Variants in UNKL observed in about 807,000 individuals in gnomAD.
UNKL encodes unk like zinc finger.
UNKL carries 60 observed loss-of-function variants against 78.0 expected under a neutral mutation model. The ratio of observed to expected loss-of-function variants is 0.77; its 90% confidence interval spans 0.63 to 0.95. The LOEUF is 0.95. Ranked by LOEUF, UNKL falls within the 40% of genes least tolerant of loss-of-function variation. The pLI is 0.00. For missense variants in UNKL, 1,159 were observed against 1,045.7 expected, an observed-to-expected ratio of 1.11 and a Z score of -1.49; for synonymous variants, 608 against 474.8, an observed-to-expected ratio of 1.28 and a Z score of -3.65.
chr16:1,371,006 C>A (rs1357550918), intron 11 of UNKL, among the ~76,000 whole-genome samples: 1 of 151,012 alleles, frequency 6.6e-6, no homozygotes, highest in Non-Finnish European at 1.5e-5. Context: ...TGGCGTGAAC[C>A]CGGGAGGTGG....
intron 9 of UNKL, among the ~76,000 whole-genome samples, chr16:1,388,554 CTG>C (rs1356686778): frequency 5.3e-5 from 8 of 152,148 alleles, no homozygotes; most frequent in Admixed American, 5.2e-4. Context: ...GATGCGCACA[CTG>C]TGACTTCAGC....
chr16:1,394,615 C>T (rs1334136513), intron 6 of UNKL: 2 of 425,608 alleles, frequency 4.7e-6, no homozygotes, highest in Non-Finnish European at 9.5e-6. Flanking sequence ...AGGGTGACAG[C>T]CCCTCTCATG....
At chr16:1,382,866 G>C (rs1006916098) in intron 10 of UNKL, among the ~76,000 whole-genome samples, 2 of 152,048 alleles carry the variant, frequency 1.3e-5, no homozygotes, top group African/African-American at 2.4e-5. Flanking sequence ...GCTGAGGCAG[G>C]AGAATCACTT....
intron 8 of UNKL, among the ~76,000 whole-genome samples, chr16:1,391,537 G>A (rs565184358): frequency 2.0e-5 from 3 of 152,088 alleles, no homozygotes; most frequent in East Asian, 3.9e-4. Context: ...GACCTCGAGC[G>A]ATTGTCCCAC....
chr16:1,410,912 T>C (rs1596782027), intron 2 of UNKL, among the ~76,000 whole-genome samples: 1 of 152,302 alleles, frequency 6.6e-6, no homozygotes, highest in East Asian at 1.9e-4. Flanking sequence ...ACTACATTAT[T>C]TCAAGTTTAG....
chr16:1,411,433 G>A (rs888990782), intron 2 of UNKL, among the ~76,000 whole-genome samples: 12 of 152,198 alleles, frequency 7.9e-5, no homozygotes, highest in Admixed American at 5.2e-4. Context: ...TCAGGAGGCT[G>A]AGGCAGGAAG....
At chr16:1,391,195 A>ACAAT (rs1254758810) in intron 8 of UNKL, among the ~76,000 whole-genome samples, 5 of 130,364 alleles carry the variant, frequency 3.8e-5, no homozygotes, top group African/African-American at 1.4e-4. Context: ...ACACACACAC[A>ACAAT]ATATATATGT....
chr16:1,392,277 C>T (rs369530659), intron 8 of UNKL, among the ~76,000 whole-genome samples: 4 of 152,166 alleles, frequency 2.6e-5, no homozygotes, highest in Non-Finnish European at 4.4e-5. Context: ...GCCTCGAAGC[C>T]GGGCGTGAAT....
At chr16:1,370,869 G>A (rs544038853) in intron 11 of UNKL, among the ~76,000 whole-genome samples, 78 of 152,340 alleles carry the variant, frequency 5.1e-4, no homozygotes, top group African/African-American at 1.7e-3. Context: ...AGATCACGGG[G>A]TCAGGAGATG....
At chr16:1,371,447 C>T (rs1262579396) in intron 11 of UNKL, 72 bp downstream of exon 11, 7 of 1,465,644 alleles carry the variant, frequency 4.8e-6, no homozygotes, top group Non-Finnish European at 6.4e-6. Flanking sequence ...CGGGCTCAAG[C>T]GATCCTCCGG....
chr16:1,399,519 G>A lies in UNKL; in HGVS notation c.599-10C>T. ...AGCACGAAGTTGGCATCTGAAAAAT[G>A]GGCCACACGGTGCCTGAGCAGCGCG... is the stretch of plus-strand genomic sequence containing the variant. On this transcript the variant is annotated splice_polypyrimidine_tract_variant and intron_variant, in intron 4 of 14. Coordinates refer to ENST00000389221, the MANE Select transcript of UNKL (RefSeq NM_001372107.1). The surrounding 1 kb of genome is among the most constrained non-coding windows in gnomAD (Gnocchi z 5.8). 1.9e-6 allele frequency: 3 copies of A among 1,589,306 alleles called. No homozygotes were observed. In the Middle Eastern group the frequency reaches 5.1e-4, roughly 270 times the overall value.
intron 10 of UNKL, chr16:1,378,789 A>C (rs2036431959): frequency 6.6e-6 from 1 of 151,896 alleles, no homozygotes; most frequent in South Asian, 2.1e-4. Flanking sequence ...AGCACCGGAG[A>C]GGGTCCTGGA....
intron 2 of UNKL, among the ~76,000 whole-genome samples, chr16:1,407,693 C>CA (rs796468528): frequency 0.021 from 1,712 of 80,488 alleles, 19 homozygotes; most frequent in African/African-American, 0.037. Context: ...GAGGCCCTGT[C>CA]AAAAAAAAAA....
rs545528566 is a variant in UNKL at position 1,366,521 on chromosome 16, G to A, written c.2047-126C>T. On this transcript the variant is annotated intron_variant, in intron 14 of 14. Coordinates refer to ENST00000389221, the MANE Select transcript of UNKL (RefSeq NM_001372107.1). The stretch of plus-strand genomic sequence containing the variant: ...GCCCGGCCACCAGCTACAGAGACAG[G>A]GTCAGGGAGACGCCCCAGCCAGGGC... 34 of 1,271,626 alleles carry A rather than the reference G, an allele frequency of 2.7e-5. No individual in the cohort carries two copies. In the African/African-American group the frequency reaches 4.2e-4, roughly 16 times the overall value. 78.8% of individuals were successfully genotyped at this position (1,271,626 alleles called of 1,614,324 possible).
In UNKL at chr16:1,401,438, C is replaced by G. The variant is rs923238531; in HGVS notation, c.598+130G>C. On this transcript the variant is annotated intron_variant, in intron 4 of 14. Transcript: ENST00000389221. ...GGGGAGGGCTTGGTATTGGACTCCA[C>G]GAGCCTCGGTTTCCCCATCTGATCA... The G allele has an allele frequency of 4.0e-6, 5 of 1,234,878 alleles. No homozygotes were observed. In the African/African-American group the frequency reaches 6.4e-5, roughly 16 times the overall value. The allele number at this position is 1,234,878 out of a possible 1,614,324, so 76.5% of individuals were successfully genotyped here.
intron 2 of UNKL, 117 bp downstream of exon 2, chr16:1,413,729 T>G (rs1287587032): frequency 7.8e-6 from 9 of 1,155,352 alleles, no homozygotes; most frequent in Non-Finnish European, 1.1e-5. Flanking sequence ...TAATTACGAC[T>G]CCCTCTGCAG....
At chr16:1,407,170 A>G (rs2037803692) in intron 2 of UNKL, 1 of 151,826 alleles carries the variant, frequency 6.6e-6, no homozygotes, top group African/African-American at 2.4e-5. Context: ...AGAAAGAAAA[A>G]AAAAAGATCA....
At chr16:1,413,817 G>A (rs980883838) in intron 2 of UNKL, 29 bp downstream of exon 2, 5 of 1,498,508 alleles carry the variant, frequency 3.3e-6, no homozygotes, top group Middle Eastern at 2.3e-4. Context: ...CCTCCGCCCA[G>A]GCAGCGGCGC....
At chr16:1,405,916 G>T (rs1295291743) in intron 2 of UNKL, 2 of 456,292 alleles carry the variant, frequency 4.4e-6, no homozygotes, top group Non-Finnish European at 8.8e-6. Flanking sequence ...CTGAACCCAA[G>T]GAGGGTCCAC....
Sources: allele counts gnomAD v4.1 joint callset (sites outside exome capture counted in the v4.1 genomes callset), GRCh38; gene constraint gnomAD v4.1.1; non-coding constraint Gnocchi (gnomAD v3.1); transcripts MANE v1.5; gene names NCBI Gene and HGNC (gene_info 2026-07-23, HGNC 2026-07-21).